Variants in UBR4 observed in about 807,000 individuals in gnomAD.
The protein encoded by UBR4 is ubiquitin protein ligase E3 component n-recognin 4, also known as E3 ubiquitin-protein ligase UBR4.
A neutral mutation model predicts 575.6 loss-of-function variants in UBR4; 124 were observed. The observed-to-expected ratio is 0.22, with a 90% CI of 0.19 to 0.25. UBR4 has a LOEUF of 0.25. Ranked by LOEUF, UBR4 falls within the 10% of genes least tolerant of loss-of-function variation. The probability of loss-of-function intolerance (pLI) is 1.00; values close to 1 mark genes in which losing one functional copy is unlikely to be tolerated. For missense variants in UBR4, 4,818 were observed against 6,478.8 expected (o/e 0.74, Z 8.80); for synonymous variants, 2,455 against 2,473.7 (o/e 0.99, Z 0.22).
At chr1:19,186,489 C>G (rs1244138479) in intron 14 of UBR4, 51 bp downstream of exon 14, 1 of 1,541,482 alleles carries the variant, frequency 6.5e-7, no homozygotes, top group East Asian at 2.3e-5. Context: ...GAGAACACTC[C>G]TGTTGCACTC....
intron 56 of UBR4, 24 bp from the exon 57 acceptor site, chr1:19,141,548 T>A (rs1019810933): frequency 6.3e-7 from 1 of 1,597,644 alleles, no homozygotes; most frequent in Non-Finnish European, 8.5e-7. Context: ...GCTCTGTCAG[T>A]GTCCCATGGT....
At chr1:19,173,146 C>G (rs771091713) in intron 24 of UBR4, 35 bp downstream of exon 24, 28 of 1,613,764 alleles carry the variant, frequency 1.7e-5, no homozygotes, top group Non-Finnish European at 2.3e-5. Flanking sequence ...ATGGTAGAAA[C>G]CAAGTTCTAT....
chr1:19,077,805 G>C (rs1234962823), intron 104 of UBR4, 171 bp downstream of exon 104: 1 of 1,538,488 alleles, frequency 6.5e-7, no homozygotes, highest in Non-Finnish European at 8.8e-7. Flanking sequence ...CAAGGCTCCA[G>C]GCTGCCAGTG....
rs1416373637 is a variant in UBR4 at position 19,146,095 on chromosome 1, G to A, written c.7805-162C>T. ...CCTAGACTCCAGCAGGCACATCTAG[G>A]AAAAAAACAGTCTGGGAAAGGAATA... On this transcript the variant is annotated intron_variant, in intron 52 of 105. Transcript: ENST00000375254. The A allele has an allele frequency of 3.2e-6, 5 of 1,548,456 alleles. No individual in the cohort carries two copies. The South Asian group carries it at 4.8e-5, about 15-fold the overall frequency.
chr1:19,192,574 C>A (rs1167373126), intron 9 of UBR4, 34 bp from the exon 10 acceptor site: 1 of 1,610,310 alleles, frequency 6.2e-7, no homozygotes, highest in Admixed American at 1.7e-5. Context: ...AAAATCTGAA[C>A]AAGCTGACAG....
intron 90 of UBR4, among the ~76,000 whole-genome samples, chr1:19,097,485 T>C (rs1244270080): frequency 6.6e-6 from 1 of 152,246 alleles, no homozygotes; most frequent in Non-Finnish European, 1.5e-5. Context: ...TACTAGAAGC[T>C]AGACATTGTA....
chr1:19,174,581 A>G (rs1163038705), intron 21 of UBR4, 134 bp from the exon 22 acceptor site: 1 of 1,312,174 alleles, frequency 7.6e-7, no homozygotes, highest in East Asian at 2.5e-5. Context: ...TCCTTGGAAC[A>G]GATTCCCATT....
rs1387916527 is a variant in UBR4, at chr1:19,165,263, T to C, written c.4298A>G (p.Lys1433Arg). ...CTGTCACTCACTCAGCTGGAAGAGT[T>C]TGGTGAAGAATTTCAAAACTCGGTT... is the stretch of plus-strand genomic sequence containing the variant. ...FCNRVLKFFTKLFQLTEKSPN... is the reference protein window; with the variant it reads ...FCNRVLKFFTRLFQLTEKSPN... The change falls in exon 31 of 106, where the codon AAA (lysine) becomes AGA (arginine). Residue 1433 changes from lysine to arginine, a missense_variant. Lys to Arg is a conservative substitution (Grantham distance 26). Coordinates refer to ENST00000375254, the MANE Select transcript of UBR4 (RefSeq NM_020765.3). The C allele has an allele frequency of 1.2e-6, 2 of 1,614,030 alleles. No individual in the cohort carries two copies. The highest frequency in any genetic ancestry group is 1.3e-5 in the African/African-American group (1 of 75,054).
Position 19,172,925 on chromosome 1 carries a change from T to A in UBR4, c.3460A>T (p.Ile1154Phe), listed in dbSNP as rs1218176160. The change falls in exon 25 of 106, where the codon ATT (isoleucine) becomes TTT (phenylalanine). Residue 1154 changes from isoleucine (I) to phenylalanine (F), a missense_variant. Transcript: ENST00000375254. ...AETDPHKSSE[I>F]TKNLLPATLQ... ...GTGGCTGGAAGTAGGTTCTTGGTAA[T>A]CTCAGACGACTTATGAGGATCAGTC... 1 of 1,613,994 alleles carries A rather than the reference T, an allele frequency of 6.2e-7. No individual in the cohort carries two copies. The highest frequency in any genetic ancestry group is 2.2e-5 in the East Asian group (1 of 44,880).
chr1:19,095,905 A>G, intron 92 of UBR4: 1 of 406,508 alleles, frequency 2.5e-6, no homozygotes, highest in South Asian at 2.6e-5. Flanking sequence ...GCAGTTCCTA[A>G]TGGAAGAGGT....
chr1:19,194,788 C>T (rs554539061), intron 8 of UBR4, among the ~76,000 whole-genome samples: 22 of 151,862 alleles, frequency 1.4e-4, no homozygotes, highest in Non-Finnish European at 5.9e-5. Flanking sequence ...GGCAAAAGAG[C>T]GAAATGCCAT....
chr1:19,140,803 C>A lies in UBR4; in HGVS notation c.8578G>T (p.Asp2860Tyr), dbSNP rs2083817071. The A allele has an allele frequency of 6.2e-7, 1 of 1,613,224 alleles. No individual in the cohort carries two copies. The highest frequency in any genetic ancestry group is 1.1e-5 in the South Asian group (1 of 90,932). ...SSSLDAGTLS[D>Y]TTASAPASDD... ...GGACAGTTACCTGATGCTGTGGTGTCAGAGAGGGTTCCTGCGTCCAGAGAG... is the reference window on the plus strand; with the variant it reads ...GGACAGTTACCTGATGCTGTGGTGTAAGAGAGGGTTCCTGCGTCCAGAGAG... The change falls in exon 58 of 106, where the codon GAC becomes TAC. Residue 2860 changes from aspartate to tyrosine, a missense_variant. By Grantham distance (160) the Asp-to-Tyr change is radical. Coordinates refer to ENST00000375254, the MANE Select transcript of UBR4 (RefSeq NM_020765.3).
rs200392698 is a variant in UBR4 at position 19,114,965 on chromosome 1, G to A, written c.11064-16C>T. ...GTTGATGGATCTGAGTAACCAAAGC[G>A]TTTGGGTCAGTAAGGTGACAAGGCT... On this transcript the variant is annotated splice_polypyrimidine_tract_variant and intron_variant, in intron 74 of 105. Transcript: ENST00000375254. 2.0e-5 allele frequency: 32 copies of A among 1,614,098 alleles called. No individual in the cohort carries two copies. The highest frequency in any genetic ancestry group is 1.6e-4 in the Middle Eastern group (1 of 6,062).
intron 86 of UBR4, 84 bp from the exon 87 acceptor site, chr1:19,104,341 C>T: frequency 2.0e-6 from 3 of 1,517,778 alleles, no homozygotes; most frequent in Non-Finnish European, 2.7e-6. Flanking sequence ...ATGAGCAACT[C>T]AAAAAGCAGG....
At chr1:19,095,322 G>A (rs2077922991) in intron 93 of UBR4, among the ~76,000 whole-genome samples, 1 of 152,188 alleles carries the variant, frequency 6.6e-6, no homozygotes, top group Admixed American at 6.5e-5. Context: ...CAGGAAAGGA[G>A]CAAGGAAGCT....
chr1:19,153,619 G>T lies in UBR4; in HGVS notation c.6631-117C>A. 6.8e-7 allele frequency: 1 copy of T among 1,464,010 alleles called. No individual in the cohort carries two copies. The highest frequency in any genetic ancestry group is 2.3e-5 in the East Asian group (1 of 43,726). 90.7% of individuals were successfully genotyped at this position (1,464,010 alleles called of 1,614,324 possible). ...GGTCAGTTGAGGGGCTGTACAGAAG[G>T]GTGGCAAAGAAAAGGCATCTAGAAG... On this transcript the variant is annotated intron_variant, in intron 45 of 105. Coordinates refer to ENST00000375254, the MANE Select transcript of UBR4 (RefSeq NM_020765.3). This position sits in a 1 kb window ranked among gnomAD's most constrained non-coding sequence, Gnocchi z 4.1.
chr1:19,144,808 T>G lies in UBR4; in HGVS notation c.8045A>C (p.Tyr2682Ser), dbSNP rs2084618350. ...LDCINTASKI[Y>S]MQMLLCPDPA... ...TACAGGACACAAGAGCATCTGCATGTAGATCTTGGATGCTGTGTTAATACA... is the reference window on the plus strand; with the variant it reads ...TACAGGACACAAGAGCATCTGCATGGAGATCTTGGATGCTGTGTTAATACA... Residue 2682 changes from tyrosine (Y) to serine (S), a missense_variant, in exon 54 of 106, where the codon TAC (tyrosine) becomes TCC (serine). Tyr to Ser is a moderately radical substitution (Grantham distance 144). This residue lies in a region of UBR4 where 340 missense variants were observed against 375.4 expected (regional missense o/e 0.91). Transcript: ENST00000375254. 6.2e-7 allele frequency: 1 copy of G among 1,614,064 alleles called. No individual in the cohort carries two copies. The highest frequency in any genetic ancestry group is 1.3e-5 in the African/African-American group (1 of 74,946).
chr1:19,088,560 G>A lies in UBR4; in HGVS notation c.14430+199C>T, dbSNP rs1357761448. 2.0e-5 allele frequency among the ~76,000 whole-genome samples: 3 copies of A among 152,126 alleles called. No individual in the cohort carries two copies. The highest frequency in any genetic ancestry group is 1.3e-4 in the Admixed American group (2 of 15,276). On this transcript the variant is annotated intron_variant, in intron 98 of 105. Transcript: ENST00000375254. This position sits in a 1 kb window ranked among gnomAD's most constrained non-coding sequence, Gnocchi z 4.0. The stretch of plus-strand genomic sequence containing the variant: ...CTGGTTTACTGTTTTGGTAAACTTC[G>A]TAAGTCACTTACTCCGAGTCTCATC...
chr1:19,133,266 A>G (rs529629712), intron 60 of UBR4, among the ~76,000 whole-genome samples: 1 of 152,300 alleles, frequency 6.6e-6, no homozygotes, highest in South Asian at 2.1e-4. Flanking sequence ...AACGTAATCT[A>G]TAACCTTAAA....
Sources: gnomAD v4.1 joint callset for allele counts (sites outside exome capture counted in the v4.1 genomes callset) on GRCh38, gnomAD v4.1.1 for gene constraint, gnomAD v4.1.1 regional missense constraint, Gnocchi (gnomAD v3.1) non-coding constraint, MANE v1.5 for transcripts, NCBI Gene and HGNC (gene_info 2026-07-23, HGNC 2026-07-21) for gene names.